WDPCP: variants seen among roughly 807,000 people sequenced by gnomAD.
WDPCP encodes WD repeat containing planar cell polarity effector.
A neutral mutation model predicts 93.1 loss-of-function variants in WDPCP; 71 were observed. The ratio of observed to expected loss-of-function variants is 0.76; its 90% confidence interval spans 0.63 to 0.93. The LOEUF is 0.93. Ranked by LOEUF, WDPCP falls within the 40% of genes least tolerant of loss-of-function variation. The pLI is 0.00. For missense variants in WDPCP, 844 were observed against 887.4 expected, an observed-to-expected ratio of 0.95 and a Z score of 0.62; for synonymous variants, 315 against 315.0, an observed-to-expected ratio of 1.00 and a Z score of 0.00.
rs145587297 is a variant in WDPCP at position 63,255,832 on chromosome 2, C to A, written c.1915+3475G>T. Among the ~76,000 whole-genome samples the A allele has an allele frequency of 3.1e-3, 472 of 151,964 alleles. 2 individuals are homozygous for A. Among genetic ancestry groups the A allele is most frequent in the Middle Eastern group, 0.017 (5 of 292 alleles). ...TTTACTAACTGTTGGCATTAATAAG[C>A]GAATTTATCACTTATTGCTAGATAT... On this transcript the variant is annotated intron_variant, in intron 14 of 17. Coordinates refer to ENST00000272321, the MANE Select transcript of WDPCP (RefSeq NM_015910.7).
At chr2:63,294,080 TACAAAG>T (rs141214143) in intron 13 of WDPCP, among the ~76,000 whole-genome samples, 1,593 of 152,216 alleles carry the variant, frequency 0.01, 25 homozygotes, top group African/African-American at 0.037. Flanking sequence ...ATGTTCAAAA[TACAAAG>T]ACAAAGGGAA....
chr2:63,382,003 GC>G lies in WDPCP; in HGVS notation c.1526del (p.Ser509ThrfsTer3), dbSNP rs779428187. The G allele has an allele frequency of 6.2e-7, 1 of 1,613,522 alleles. No individual in the cohort carries two copies. Among genetic ancestry groups the G allele is most frequent in the Non-Finnish European group, 8.5e-7 (1 of 1,179,724 alleles). On this transcript the variant is annotated frameshift_variant, in exon 11 of 18. Coordinates refer to ENST00000272321, the MANE Select transcript of WDPCP (RefSeq NM_015910.7). LOFTEE classifies it high-confidence loss of function. Reference protein sequence around the residue: ...DEIYEAINILSSMNWDTLGHQ... With the variant: ...DEIYEAINILXSMNWDTLGHQ... ...GGCCCAGAGTGTCCCAGTTCATGCT[GC>G]TCAGGATGTTTATTGCCTCATAGAT... is the stretch of plus-strand genomic sequence containing the variant.
In WDPCP at chr2:63,575,441, G is replaced by GTATATATACTGTATATACAGTATA. The variant is rs1553438473; in HGVS notation, c.75+12755_75+12756insTATACTGTATATACAGTATATATA. Among the ~76,000 whole-genome samples, 434 of 53,604 alleles carry GTATATATACTGTATATACAGTATA rather than the reference G, an allele frequency of 8.1e-3. 119 individuals carry two copies. The highest frequency in any genetic ancestry group is 0.037 in the African/African-American group (418 of 11,404). The allele number at this position is 53,604 out of a possible 152,430, so 35.2% of individuals were successfully genotyped here. ...ACACTGTATACAGTGTATATACAGT[G>GTATATATACTGTATATACAGTATA]TATACACTGTATATACAGTATATAT... is the stretch of plus-strand genomic sequence containing the variant. On this transcript the variant is annotated intron_variant, in intron 1 of 17. Coordinates refer to ENST00000272321, the MANE Select transcript of WDPCP (RefSeq NM_015910.7).
At chr2:63,568,680 G>A (rs138939882) in intron 1 of WDPCP, among the ~76,000 whole-genome samples, 7 of 152,276 alleles carry the variant, frequency 4.6e-5, no homozygotes, top group East Asian at 3.8e-4. Context: ...TATTTGTCCC[G>A]ACTGGCTAGC....
chr2:63,462,593 G>A (rs1237154263), intron 6 of WDPCP, among the ~76,000 whole-genome samples: 2 of 152,078 alleles, frequency 1.3e-5, no homozygotes, highest in Admixed American at 6.6e-5. Context: ...AGACAGAGTG[G>A]TTAGGAAGTT....
chr2:63,353,265 C>G (rs1053448111), intron 12 of WDPCP, among the ~76,000 whole-genome samples: 2 of 152,148 alleles, frequency 1.3e-5, no homozygotes, highest in Non-Finnish European at 2.9e-5. Flanking sequence ...GACCATGGAG[C>G]CTTAGATACT....
intron 12 of WDPCP, among the ~76,000 whole-genome samples, chr2:63,323,136 A>G (rs967148239): frequency 5.3e-5 from 8 of 152,206 alleles, no homozygotes; most frequent in Admixed American, 5.2e-4. Flanking sequence ...TGTGGCCATG[A>G]GTGGAACTCT....
At chr2:63,589,428 C>T (rs1413141806), upstream of WDPCP, 10 of 1,522,484 alleles carry the variant, frequency 6.6e-6, no homozygotes, top group Non-Finnish European at 3.6e-6. Flanking sequence ...CCCTTTTTCT[C>T]CTCATTTGCC....
At chr2:63,728,426 G>C (rs1021857091) in intron 2 of WDPCP, among the ~76,000 whole-genome samples, 8 of 152,182 alleles carry the variant, frequency 5.3e-5, no homozygotes, top group Non-Finnish European at 8.8e-5. Flanking sequence ...CATTGCACTT[G>C]TATGATCCTG....
chr2:63,151,514 G>A (rs1268120177), intron 17 of WDPCP, among the ~76,000 whole-genome samples: 3 of 152,106 alleles, frequency 2.0e-5, no homozygotes, highest in Non-Finnish European at 4.4e-5. Flanking sequence ...CACTGCACCT[G>A]GCCAGGATGT....
intron 6 of WDPCP, among the ~76,000 whole-genome samples, chr2:63,474,693 A>G (rs1699871785): frequency 6.6e-6 from 1 of 152,156 alleles, no homozygotes; most frequent in Non-Finnish European, 1.5e-5. Context: ...CAGATTCAAC[A>G]ATATTGGTAA....
intron 13 of WDPCP, among the ~76,000 whole-genome samples, chr2:63,269,679 G>T (rs1682461780): frequency 6.6e-6 from 1 of 152,058 alleles, no homozygotes; most frequent in Admixed American, 6.6e-5. Flanking sequence ...ATGTTCCTAG[G>T]ATTGATAGGT....
chr2:63,187,221 T>G (rs1056546415), intron 14 of WDPCP, among the ~76,000 whole-genome samples: 1 of 152,196 alleles, frequency 6.6e-6, no homozygotes, highest in Non-Finnish European at 1.5e-5. Flanking sequence ...GCATATCTTT[T>G]TTCATCCTTC....
chr2:63,132,623 T>C (rs1574680629), intron 17 of WDPCP, among the ~76,000 whole-genome samples: 1 of 151,582 alleles, frequency 6.6e-6, no homozygotes, highest in Non-Finnish European at 1.5e-5. Context: ...TGAATCCCTC[T>C]AGTGAATTTT....
chr2:63,706,119 C>T (rs1376083001), intron 2 of WDPCP, among the ~76,000 whole-genome samples: 1 of 152,096 alleles, frequency 6.6e-6, no homozygotes, highest in Non-Finnish European at 1.5e-5. Context: ...AGGATTGCAA[C>T]CCCTGCATTT....
At chr2:63,627,702 AC>A (rs1243580428) in intron 3 of WDPCP, among the ~76,000 whole-genome samples, 1 of 152,178 alleles carries the variant, frequency 6.6e-6, no homozygotes, top group Admixed American at 6.5e-5. Flanking sequence ...AGACTGCCAG[AC>A]TTGAAGGGAA....
chr2:63,133,998 A>G (rs1670455564), intron 17 of WDPCP, among the ~76,000 whole-genome samples: 1 of 152,056 alleles, frequency 6.6e-6, no homozygotes, highest in African/African-American at 2.4e-5. Context: ...TGTTTCTTTA[A>G]TGTTTATTAA....
intron 14 of WDPCP, among the ~76,000 whole-genome samples, chr2:63,256,417 G>A (rs961721635): frequency 4.6e-5 from 7 of 152,130 alleles, no homozygotes; most frequent in Admixed American, 2.6e-4. Flanking sequence ...CTTTTCCACC[G>A]GAATGGCTAA....
intron 6 of WDPCP, among the ~76,000 whole-genome samples, chr2:63,468,345 T>C (rs536731693): frequency 6.6e-6 from 1 of 152,288 alleles, no homozygotes; most frequent in South Asian, 2.1e-4. Flanking sequence ...CTGAGCATGA[T>C]TGAAAAGGAT....
Sources: gnomAD v4.1 joint callset for allele counts (sites outside exome capture counted in the v4.1 genomes callset) on GRCh38, gnomAD v4.1.1 for gene constraint, MANE v1.5 for transcripts, NCBI Gene and HGNC (gene_info 2026-07-23, HGNC 2026-07-21) for gene names.